The following TSPEAR variants were observed in gnomAD, a reference collection of about 807,000 sequenced individuals.
TSPEAR encodes thrombospondin type laminin G domain and EAR repeats.
In TSPEAR, 69 loss-of-function variants were observed where a neutral mutation model predicts 71.6. The observed-to-expected ratio is 0.96, with a 90% CI of 0.79 to 1.18. The LOEUF is 1.18. Among genes scored for constraint, TSPEAR ranks in the 50% most tolerant of loss-of-function variants. The pLI, the probability that TSPEAR is intolerant of heterozygous loss-of-function variation, is 0.00. For synonymous variants in TSPEAR, 402 were observed against 387.2 expected (o/e 1.04, Z -0.45); for missense variants, 971 against 894.9 (o/e 1.09, Z -1.09).
At chr21:44,704,592 G>A (rs1287600592) in intron 1 of TSPEAR, among the ~76,000 whole-genome samples, 12 of 152,220 alleles carry the variant, frequency 7.9e-5, no homozygotes, top group Admixed American at 4.6e-4. Flanking sequence ...GTTCAACACC[G>A]AGGGGCAGCG....
chr21:44,561,789 G>A (rs2053637352), intron 2 of TSPEAR, among the ~76,000 whole-genome samples: 1 of 152,090 alleles, frequency 6.6e-6, no homozygotes, highest in African/African-American at 2.4e-5. Context: ...ATCCCTTCAT[G>A]TTAAAAACTC....
chr21:44,656,635 AT>A (rs782448491), intron 1 of TSPEAR, among the ~76,000 whole-genome samples: 2 of 151,836 alleles, frequency 1.3e-5, no homozygotes, highest in Non-Finnish European at 2.9e-5. Flanking sequence ...TTACTATTTG[AT>A]GCTTGGATAT....
At chr21:44,575,850 T>G (rs1218028093) in intron 1 of TSPEAR, among the ~76,000 whole-genome samples, 2 of 152,158 alleles carry the variant, frequency 1.3e-5, no homozygotes, top group Non-Finnish European at 2.9e-5. Flanking sequence ...CCACCCTGTG[T>G]GAGCAGAATC....
At chr21:44,558,204 C>A in intron 2 of TSPEAR, 1 of 1,556,744 alleles carries the variant, frequency 6.4e-7, no homozygotes, top group South Asian at 1.2e-5. Flanking sequence ...GATGGGCACA[C>A]AGCAGGTGGA....
chr21:44,531,175 G>T, intron 3 of TSPEAR, 42 bp from the exon 4 acceptor site: 1 of 1,522,514 alleles, frequency 6.6e-7, no homozygotes, highest in Non-Finnish European at 9.1e-7. Context: ...TAGGAGAGTG[G>T]TCACCCCAGT....
rs1984559670 is a variant in TSPEAR at position 44,648,284 on chromosome 21, G to A, written c.82+63149C>T. Among the ~76,000 whole-genome samples the A allele has an allele frequency of 2.0e-5, 3 of 152,218 alleles. No homozygotes were observed. The South Asian group carries it at 6.2e-4, about 32-fold the overall frequency. On this transcript the variant is annotated intron_variant, in intron 1 of 11. Transcript: ENST00000323084. The stretch of plus-strand genomic sequence containing the variant: ...GTCTCAGTGGACCACTAGCACTGGA[G>A]AGTGAAGAGGGCACTAGTGAGACCA...
chr21:44,675,204 G>A (rs1289678799), intron 1 of TSPEAR, among the ~76,000 whole-genome samples: 30 of 152,098 alleles, frequency 2.0e-4, no homozygotes, highest in Admixed American at 1.8e-3. Context: ...GAATCCAGCA[G>A]CCCATCGAAA....
chr21:44,658,023 G>T (rs781970402), intron 1 of TSPEAR: 1 of 1,613,980 alleles, frequency 6.2e-7, no homozygotes, highest in South Asian at 1.1e-5. Flanking sequence ...CCAACCTGCT[G>T]CATACACAGC....
At chr21:44,574,782 C>T in intron 1 of TSPEAR, 1 of 1,614,138 alleles carries the variant, frequency 6.2e-7, no homozygotes, top group Non-Finnish European at 8.5e-7. Context: ...ATGCTGCCAG[C>T]AATCTAGCTG....
intron 1 of TSPEAR, among the ~76,000 whole-genome samples, chr21:44,597,957 T>A (rs934329651): frequency 1.3e-5 from 2 of 152,206 alleles, no homozygotes; most frequent in Non-Finnish European, 1.5e-5. Flanking sequence ...TAATCAAGTA[T>A]TTTTTATTAT....
At position 44,623,190 on chromosome 21, in the gene TSPEAR, A is replaced by C. The variant is rs587600116; in HGVS notation, c.83-55185T>G. On this transcript the variant is annotated intron_variant, in intron 1 of 11. Coordinates refer to ENST00000323084, the MANE Select transcript of TSPEAR (RefSeq NM_144991.3). This position sits in a 1 kb window ranked among gnomAD's most constrained non-coding sequence, Gnocchi z 4.5. The stretch of plus-strand genomic sequence containing the variant: ...TATAGCAATGCGAGACCAGCTTAAC[A>C]CAGTGAGGTTCTGGGTGGATATGAC... Among the ~76,000 whole-genome samples, 19 of 152,286 alleles carry C rather than the reference A, an allele frequency of 1.2e-4. No homozygotes were observed. The highest frequency in any genetic ancestry group is 4.6e-4 in the African/African-American group (19 of 41,538).
At chr21:44,556,456 G>A (rs782035257) in intron 2 of TSPEAR, among the ~76,000 whole-genome samples, 3 of 152,026 alleles carry the variant, frequency 2.0e-5, no homozygotes, top group Non-Finnish European at 4.4e-5. Context: ...ACTTTGGGAG[G>A]CCGAGGCGGG....
chr21:44,578,020 G>C (rs1041369833), intron 1 of TSPEAR, among the ~76,000 whole-genome samples: 1 of 152,148 alleles, frequency 6.6e-6, no homozygotes, highest in Non-Finnish European at 1.5e-5. Flanking sequence ...CCCTGCACAA[G>C]CTCTCTTCTC....
chr21:44,557,108 C>T (rs1458010240), intron 2 of TSPEAR, among the ~76,000 whole-genome samples: 10 of 152,148 alleles, frequency 6.6e-5, no homozygotes, highest in Admixed American at 1.3e-4. Context: ...TGAGCATTTG[C>T]GGCCGGCATA....
At position 44,576,669 on chromosome 21, in the gene TSPEAR, C is replaced by T. The variant is rs112168537; in HGVS notation, c.83-8664G>A. ...TAAACTACAGTGCTGTTTCCCTTCA[C>T]GTGAGCTGAGAACACTGCTGGTTGA... On this transcript the variant is annotated intron_variant, in intron 1 of 11. Transcript: ENST00000323084. Among the ~76,000 whole-genome samples the T allele has an allele frequency of 7.4e-3, 1,134 of 152,344 alleles. 23 individuals carry two copies. Among genetic ancestry groups the T allele is most frequent in the African/African-American group, 0.024 (1,004 of 41,580 alleles).
chr21:44,622,914 T>G (rs1469818660), intron 1 of TSPEAR, among the ~76,000 whole-genome samples: 1 of 152,178 alleles, frequency 6.6e-6, no homozygotes, highest in African/African-American at 2.4e-5. Flanking sequence ...AGTGCTGTCC[T>G]TGTGATAGTG....
rs200861871 is a variant in TSPEAR, at chr21:44,592,125, G to A, written c.83-24120C>T. On this transcript the variant is annotated intron_variant, in intron 1 of 11. Transcript: ENST00000323084. Reference sequence around the variant, plus strand: ...AGACGGACACACAGCACACAGGCTTGCAGCAGACAGTCTTGCAGCAGACGG... The same window carrying A: ...AGACGGACACACAGCACACAGGCTTACAGCAGACAGTCTTGCAGCAGACGG... 2.7e-6 allele frequency: 4 copies of A among 1,462,854 alleles called. No homozygotes were observed. The South Asian group carries it at 5.0e-5, about 18-fold the overall frequency. The allele number at this position is 1,462,854 out of a possible 1,614,324, so 90.6% of individuals were successfully genotyped here.
rs370162587 is a variant in TSPEAR, at chr21:44,652,219, G to A, written c.82+59214C>T. Among the ~76,000 whole-genome samples the A allele has an allele frequency of 2.1e-3, 321 of 152,268 alleles. 3 individuals carry two copies. Among genetic ancestry groups the A allele is most frequent in the African/African-American group, 7.3e-3 (302 of 41,558 alleles). On this transcript the variant is annotated intron_variant, in intron 1 of 11. Transcript: ENST00000323084. Reference sequence around the variant, plus strand: ...AGGATGGTCTCGATCTCCTGACCTCGTGATCCGCCCGCCTCGGCCTCCCAG... The same window carrying A: ...AGGATGGTCTCGATCTCCTGACCTCATGATCCGCCCGCCTCGGCCTCCCAG...
intron 1 of TSPEAR, chr21:44,637,882 CTGCTATGTGCCTGTG>C: frequency 2.0e-6 from 3 of 1,530,142 alleles, no homozygotes; most frequent in East Asian, 2.4e-5. Context: ...CTAAGTCCGT[CTGCTATGTGCCTGTG>C]TGCTCTGGGG....
Sources: gnomAD v4.1 joint callset for allele counts (sites outside exome capture counted in the v4.1 genomes callset) on GRCh38, gnomAD v4.1.1 for gene constraint, Gnocchi (gnomAD v3.1) non-coding constraint, MANE v1.5 for transcripts, NCBI Gene and HGNC (gene_info 2026-07-23, HGNC 2026-07-21) for gene names.